PDE4D: variants seen among roughly 807,000 people sequenced by gnomAD.
PDE4D encodes the protein 3',5'-cyclic-AMP phosphodiesterase 4D.
A neutral mutation model predicts 87.4 loss-of-function variants in PDE4D; 24 were observed. That is an observed-to-expected ratio of 0.27 (90% CI 0.20 to 0.39). The LOEUF is 0.39. Ranked by LOEUF, PDE4D falls within the 10% of genes least tolerant of loss-of-function variation. The pLI is 1.00. For missense variants in PDE4D, 714 were observed against 1,041.0 expected, an observed-to-expected ratio of 0.69 and a Z score of 4.32; for synonymous variants, 384 against 383.2, an observed-to-expected ratio of 1.00 and a Z score of -0.02.
intron 1 of PDE4D, among the ~76,000 whole-genome samples, chr5:59,383,208 A>G (rs963743334): frequency 6.6e-6 from 1 of 152,128 alleles, no homozygotes; most frequent in African/African-American, 2.4e-5. Flanking sequence ...AGTCTTTAGC[A>G]CGGTCTCTAC....
chr5:59,274,717 T>C (rs1009224755), intron 1 of PDE4D, among the ~76,000 whole-genome samples: 1 of 152,052 alleles, frequency 6.6e-6, no homozygotes, highest in Non-Finnish European at 1.5e-5. Context: ...ATTGGGGAAA[T>C]AATAGAACAT....
At position 58,975,913 on chromosome 5, in the gene PDE4D, A is replaced by T. The variant is rs1743623666; in HGVS notation, c.1831-74T>A. 1 of 1,131,390 alleles carries T rather than the reference A, an allele frequency of 8.8e-7. No individual in the cohort carries two copies. The highest frequency in any genetic ancestry group is 2.7e-5 in the East Asian group (1 of 37,628). The allele number at this position is 1,131,390 out of a possible 1,614,324, so 70.1% of individuals were successfully genotyped here. ...AAAAAAAAAACAAAAAAAACTAGAA[A>T]TTCACATTGGATGACTGCAACACTT... On this transcript the variant is annotated intron_variant, in intron 13 of 14. Coordinates refer to ENST00000340635, the MANE Select transcript of PDE4D (RefSeq NM_001104631.2). The surrounding 1 kb of genome is among the most constrained non-coding windows in gnomAD (Gnocchi z 4.2).
intron 1 of PDE4D, among the ~76,000 whole-genome samples, chr5:59,595,390 A>C (rs556543828): frequency 2.7e-4 from 41 of 152,340 alleles, no homozygotes; most frequent in African/African-American, 9.6e-4. Flanking sequence ...ATAAACACAC[A>C]AGAAAGAAGC....
At chr5:59,142,328 T>G (rs563416067) in intron 5 of PDE4D, among the ~76,000 whole-genome samples, 73 of 152,278 alleles carry the variant, frequency 4.8e-4, no homozygotes, top group Non-Finnish European at 8.8e-4. Context: ...TTGCTTTCTT[T>G]TCTCCCCAAC....
chr5:59,637,598 G>A (rs947080724), intron 1 of PDE4D, among the ~76,000 whole-genome samples: 3 of 151,932 alleles, frequency 2.0e-5, no homozygotes, highest in African/African-American at 7.3e-5. Context: ...CATGTCCTTT[G>A]CAGGGACTTG....
intron 1 of PDE4D, among the ~76,000 whole-genome samples, chr5:60,382,833 C>A (rs569792160): frequency 3.9e-5 from 6 of 152,142 alleles, no homozygotes; most frequent in Non-Finnish European, 5.9e-5. Flanking sequence ...AGACAGTGAG[C>A]GCTAGGGAAG....
At chr5:60,387,757 C>G (rs896471772) in intron 1 of PDE4D, among the ~76,000 whole-genome samples, 1 of 152,124 alleles carries the variant, frequency 6.6e-6, no homozygotes, top group African/African-American at 2.4e-5. Context: ...TTCTGTTACC[C>G]GAAGTGTGGA....
At chr5:60,250,186 G>A (rs1748265698) in intron 1 of PDE4D, among the ~76,000 whole-genome samples, 1 of 151,844 alleles carries the variant, frequency 6.6e-6, no homozygotes, top group African/African-American at 2.4e-5. Context: ...TCACTTATAA[G>A]TTATTACTCA....
chr5:59,369,737 T>C (rs1470314089), intron 1 of PDE4D, among the ~76,000 whole-genome samples: 1 of 152,100 alleles, frequency 6.6e-6, no homozygotes, highest in Non-Finnish European at 1.5e-5. Flanking sequence ...CAGGCTCCTT[T>C]GTACTGCAGA....
chr5:59,734,146 G>A (rs558488399), intron 1 of PDE4D, among the ~76,000 whole-genome samples: 6 of 152,022 alleles, frequency 3.9e-5, no homozygotes, highest in Admixed American at 1.3e-4. Context: ...CACATACACA[G>A]GTTTGTATAT....
intron 5 of PDE4D, among the ~76,000 whole-genome samples, chr5:59,046,720 T>C (rs1396115673): frequency 1.3e-5 from 2 of 152,164 alleles, no homozygotes; most frequent in Admixed American, 6.5e-5. Flanking sequence ...GAAGGCCAGA[T>C]TGGCCCAAGC....
intron 1 of PDE4D, among the ~76,000 whole-genome samples, chr5:59,493,280 C>T (rs1239358503): frequency 3.3e-5 from 5 of 152,156 alleles, no homozygotes; most frequent in South Asian, 2.1e-4. Flanking sequence ...TTCAAAAATC[C>T]GTGTACTAAA....
intron 1 of PDE4D, among the ~76,000 whole-genome samples, chr5:59,374,844 T>A (rs1784459388): frequency 6.6e-6 from 1 of 152,046 alleles, no homozygotes; most frequent in Admixed American, 6.6e-5. Context: ...CAGAGTGCAA[T>A]CAAATTAGAA....
chr5:59,166,795 T>G, intron 5 of PDE4D, among the ~76,000 whole-genome samples: 1 of 152,248 alleles, frequency 6.6e-6, no homozygotes, highest in East Asian at 1.9e-4. Flanking sequence ...GAAGTGTTAC[T>G]ATAAACCAGT....
chr5:59,508,805 A>C (rs775296975), intron 1 of PDE4D, among the ~76,000 whole-genome samples: 38 of 152,120 alleles, frequency 2.5e-4, no homozygotes, highest in Non-Finnish European at 4.9e-4. Context: ...GAAACTCAAC[A>C]AACAGGTGAA....
At chr5:59,852,824 T>C (rs868121114) in intron 1 of PDE4D, among the ~76,000 whole-genome samples, 9 of 141,912 alleles carry the variant, frequency 6.3e-5, no homozygotes, top group African/African-American at 2.3e-4. Context: ...GAGACAGGAA[T>C]AAAAAAAAAA....
chr5:59,095,892 A>G lies in PDE4D; in HGVS notation c.809-56921T>C, dbSNP rs1369016008. Among the ~76,000 whole-genome samples the G allele has an allele frequency of 3.9e-5, 6 of 152,360 alleles. No homozygotes were observed. The East Asian group carries it at 1.2e-3, about 29-fold the overall frequency. ...GCTAAGCTGCTAAATAGGCTATCTCAGGGATTCTCAGCTCATTCTTGATGA... is the reference window on the plus strand; with the variant it reads ...GCTAAGCTGCTAAATAGGCTATCTCGGGGATTCTCAGCTCATTCTTGATGA... On this transcript the variant is annotated intron_variant, in intron 5 of 14. Transcript: ENST00000340635.
chr5:59,630,391 A>G (rs964298050), intron 1 of PDE4D, among the ~76,000 whole-genome samples: 7 of 152,240 alleles, frequency 4.6e-5, no homozygotes, highest in African/African-American at 1.4e-4. Context: ...GACAATCACA[A>G]TCCCCTTATA....
At chr5:60,040,006 T>A (rs1768280354) in intron 2 of PDE4D, among the ~76,000 whole-genome samples, 1 of 152,240 alleles carries the variant, frequency 6.6e-6, no homozygotes, top group African/African-American at 2.4e-5. Flanking sequence ...ATATTTTGAA[T>A]GCCCCATTCA....
Sources: gnomAD v4.1 joint callset for allele counts (sites outside exome capture counted in the v4.1 genomes callset) on GRCh38, gnomAD v4.1.1 for gene constraint, Gnocchi (gnomAD v3.1) non-coding constraint, MANE v1.5 for transcripts, NCBI Gene and HGNC (gene_info 2026-07-23, HGNC 2026-07-21) for gene names.